The following CACNB2 variants were observed in gnomAD, a reference collection of about 807,000 sequenced individuals.
The protein encoded by CACNB2 is voltage-dependent L-type calcium channel subunit beta-2.
Under a neutral mutation model 73.3 loss-of-function variants are expected in CACNB2, and 42 were observed. The observed-to-expected ratio is 0.57, with a 90% CI of 0.45 to 0.74. The LOEUF is 0.74. Ranked by LOEUF, CACNB2 falls within the 30% of genes least tolerant of loss-of-function variation. The pLI is 0.00. For synonymous variants in CACNB2, 348 were observed against 310.3 expected (o/e 1.12, Z -1.28); for missense variants, 940 against 853.0 (o/e 1.10, Z -1.27).
intron 2 of CACNB2, among the ~76,000 whole-genome samples, chr10:18,156,461 T>C (rs2032049552): frequency 6.6e-6 from 1 of 152,314 alleles, no homozygotes; most frequent in African/African-American, 2.4e-5. Flanking sequence ...TAGTTAATTT[T>C]CCCCCGGAAA....
chr10:18,506,487 T>A lies in CACNB2; in HGVS notation c.610T>A (p.Ser204Thr). The change falls in exon 6 of 14, where the codon TCA (serine) becomes ACA (threonine). Residue 204 changes from serine to threonine, a missense_variant. By Grantham distance (58) the Ser-to-Thr change is moderately conservative. Transcript: ENST00000324631. ...TTACTCCAGTAAATCAGGAGGAAAT[T>A]CATCATCCAGTTTGGGTGACATAGT... ...KFYSSKSGGN[S>T]SSSLGDIVPS... The A allele has an allele frequency of 1.2e-6, 2 of 1,610,332 alleles. No homozygotes were observed. The highest frequency in any genetic ancestry group is 8.5e-7 in the Non-Finnish European group (1 of 1,176,662).
intron 2 of CACNB2, among the ~76,000 whole-genome samples, chr10:18,356,140 C>T (rs938648835): frequency 2.6e-5 from 4 of 152,216 alleles, no homozygotes; most frequent in Non-Finnish European, 5.9e-5. Flanking sequence ...TCCCTTCCCA[C>T]CTTCCCCGCT....
chr10:18,298,560 C>T (rs1051242941), intron 2 of CACNB2, among the ~76,000 whole-genome samples: 1 of 152,186 alleles, frequency 6.6e-6, no homozygotes, highest in African/African-American at 2.4e-5. Context: ...AGAGGTGATA[C>T]AATGTGCAAT....
rs374781221 is a variant in CACNB2 at position 18,189,013 on chromosome 10, G to T, written c.213+38038G>T. Reference sequence around the variant, plus strand: ...CTCACTCTGTCACCCAAGTTGGAGTGCAGTGTACTGATCATATAGCTCACT... The same window carrying T: ...CTCACTCTGTCACCCAAGTTGGAGTTCAGTGTACTGATCATATAGCTCACT... On this transcript the variant is annotated intron_variant, in intron 2 of 13. Coordinates refer to ENST00000324631, the MANE Select transcript of CACNB2 (RefSeq NM_201596.3). Among the ~76,000 whole-genome samples, 3 of 152,126 alleles carry T rather than the reference G, an allele frequency of 2.0e-5. No homozygotes were observed. The East Asian group carries it at 5.8e-4, about 29-fold the overall frequency.
At position 18,289,284 on chromosome 10, in the gene CACNB2, G is replaced by GTTTTT. The variant is rs1489491866; in HGVS notation, c.214-112637_214-112633dup. On this transcript the variant is annotated intron_variant, in intron 2 of 13. Transcript: ENST00000324631. ...GAAGTTGTCTTCATTTTTTTTTCTT[G>GTTTTT]TTTTTTTGTTTTGTTTTTTTTTTTT... Among the ~76,000 whole-genome samples the GTTTTT allele has an allele frequency of 4.6e-3, 390 of 85,478 alleles. 60 individuals carry two copies. Among genetic ancestry groups the GTTTTT allele is most frequent in the African/African-American group, 0.015 (250 of 17,128 alleles). The allele number at this position is 85,478 out of a possible 152,430, so 56.1% of individuals were successfully genotyped here.
intron 2 of CACNB2, among the ~76,000 whole-genome samples, chr10:18,186,419 G>GAA (rs72271975): frequency 1.9e-4 from 27 of 142,874 alleles, no homozygotes; most frequent in African/African-American, 6.1e-4. Flanking sequence ...AACTCCGTCT[G>GAA]AAAAAAAAAA....
intron 2 of CACNB2, among the ~76,000 whole-genome samples, chr10:18,308,085 C>G (rs571724917): frequency 2.7e-5 from 4 of 147,608 alleles, no homozygotes; most frequent in East Asian, 4.0e-4. Flanking sequence ...CCTCCACCTC[C>G]CAGGTTCAAG....
intron 2 of CACNB2, among the ~76,000 whole-genome samples, chr10:18,288,507 C>T (rs951931369): frequency 1.3e-5 from 2 of 152,110 alleles, no homozygotes; most frequent in Non-Finnish European, 2.9e-5. Flanking sequence ...AGTAGTATTG[C>T]AGAAAATTTT....
chr10:18,409,316 A>AG, intron 3 of CACNB2, among the ~76,000 whole-genome samples: 1 of 150,360 alleles, frequency 6.7e-6, no homozygotes, highest in East Asian at 2.0e-4. Context: ...AAAAAAAAAA[A>AG]AAGTAGAGAC....
Position 18,492,592 on chromosome 10 carries a change from G to A in CACNB2, c.334-5763G>A, listed in dbSNP as rs796872873. ...GCCAAGATCGCACCACTTCACTCCAGCCTGAGTGACAGAGCAAGACTCTGT... is the reference window on the plus strand; with the variant it reads ...GCCAAGATCGCACCACTTCACTCCAACCTGAGTGACAGAGCAAGACTCTGT... On this transcript the variant is annotated intron_variant, in intron 3 of 13. Coordinates refer to ENST00000324631, the MANE Select transcript of CACNB2 (RefSeq NM_201596.3). 4.8e-5 allele frequency among the ~76,000 whole-genome samples: 6 copies of A among 124,124 alleles called. No individual in the cohort carries two copies. The East Asian group carries it at 1.3e-3, about 26-fold the overall frequency. The allele number at this position is 124,124 out of a possible 152,430, so 81.4% of individuals were successfully genotyped here.
chr10:18,488,004 T>C (rs2049159874), intron 3 of CACNB2, among the ~76,000 whole-genome samples: 1 of 151,256 alleles, frequency 6.6e-6, no homozygotes. Context: ...AGACAGGGTT[T>C]CACCATGTTG....
intron 5 of CACNB2, among the ~76,000 whole-genome samples, chr10:18,503,958 G>A (rs964439975): frequency 1.1e-4 from 16 of 152,136 alleles, no homozygotes; most frequent in African/African-American, 3.6e-4. Context: ...CATGTCTTAG[G>A]AATAGTGTTT....
Position 18,468,791 on chromosome 10 carries a change from G to A in CACNB2, c.334-29564G>A, listed in dbSNP as rs555730783. On this transcript the variant is annotated intron_variant, in intron 3 of 13. Coordinates refer to ENST00000324631, the MANE Select transcript of CACNB2 (RefSeq NM_201596.3). Reference sequence around the variant, plus strand: ...ATTTTGTATTTTTAGTAAAGATGGGGTTTCTGCATGTTGGTCAGGCTGGTC... The same window carrying A: ...ATTTTGTATTTTTAGTAAAGATGGGATTTCTGCATGTTGGTCAGGCTGGTC... 3.9e-5 allele frequency among the ~76,000 whole-genome samples: 6 copies of A among 152,078 alleles called. No individual in the cohort carries two copies. The East Asian group carries it at 1.2e-3, about 30-fold the overall frequency.
At chr10:18,445,122 G>GT (rs1028466807) in intron 3 of CACNB2, among the ~76,000 whole-genome samples, 1 of 152,066 alleles carries the variant, frequency 6.6e-6, no homozygotes, top group Non-Finnish European at 1.5e-5. Context: ...TCTGCCCATG[G>GT]TTTTTTGGGT....
chr10:18,327,927 C>T (rs1270083401), intron 2 of CACNB2, among the ~76,000 whole-genome samples: 1 of 151,996 alleles, frequency 6.6e-6, no homozygotes, highest in Non-Finnish European at 1.5e-5. Context: ...TTGTCAAATG[C>T]CTGAGGAAAG....
chr10:18,356,090 C>A (rs1488738346), intron 2 of CACNB2, among the ~76,000 whole-genome samples: 1 of 152,200 alleles, frequency 6.6e-6, no homozygotes. Flanking sequence ...TCCCAGGAGA[C>A]CTGGATCTCT....
intron 2 of CACNB2, among the ~76,000 whole-genome samples, chr10:18,211,991 T>C (rs1346339629): frequency 2.6e-5 from 4 of 152,172 alleles, no homozygotes; most frequent in African/African-American, 7.2e-5. Flanking sequence ...ATGACATATG[T>C]AGAAAATAAT....
chr10:18,163,648 G>A (rs2032637965), intron 2 of CACNB2, among the ~76,000 whole-genome samples: 1 of 152,180 alleles, frequency 6.6e-6, no homozygotes, highest in Non-Finnish European at 1.5e-5. Flanking sequence ...GAGGTGTTCA[G>A]TTAGTGAACC....
chr10:18,422,694 C>A (rs1301932649), intron 3 of CACNB2, among the ~76,000 whole-genome samples: 2 of 151,668 alleles, frequency 1.3e-5, no homozygotes, highest in African/African-American at 2.4e-5. Context: ...GTTGACACTT[C>A]AAAAAAAATT....
Sources: allele counts gnomAD v4.1 joint callset (sites outside exome capture counted in the v4.1 genomes callset), GRCh38; gene constraint gnomAD v4.1.1; transcripts MANE v1.5; gene names NCBI Gene and HGNC (gene_info 2026-07-23, HGNC 2026-07-21).